Variants in WDPCP observed in about 807,000 individuals in gnomAD.
The protein encoded by WDPCP is WD repeat containing planar cell polarity effector.
In WDPCP, 71 loss-of-function variants were observed where a neutral mutation model predicts 93.1. That is an observed-to-expected ratio of 0.76 (90% CI 0.63 to 0.93). The LOEUF is 0.93. Ranked by LOEUF, WDPCP falls within the 40% of genes least tolerant of loss-of-function variation. The probability of loss-of-function intolerance (pLI) is 0.00; values close to 1 mark genes in which losing one functional copy is unlikely to be tolerated. For synonymous variants in WDPCP, 315 were observed against 315.0 expected, an observed-to-expected ratio of 1.00 and a Z score of 0.00; for missense variants, 844 against 887.4, an observed-to-expected ratio of 0.95 and a Z score of 0.62.
At chr2:63,423,946 G>A (rs541489982) in intron 9 of WDPCP, among the ~76,000 whole-genome samples, 2 of 152,160 alleles carry the variant, frequency 1.3e-5, no homozygotes, top group East Asian at 3.9e-4. Context: ...CAGATCTTCA[G>A]AGAAAAAACA....
At chr2:63,743,529 T>C (rs1347708244) in intron 2 of WDPCP, among the ~76,000 whole-genome samples, 1 of 152,120 alleles carries the variant, frequency 6.6e-6, no homozygotes, top group Non-Finnish European at 1.5e-5. Context: ...AATAAGATAA[T>C]GAGGTTTTTA....
intron 1 of WDPCP, among the ~76,000 whole-genome samples, chr2:63,555,508 AGTG>A (rs1007140094): frequency 6.6e-6 from 1 of 152,222 alleles, no homozygotes; most frequent in African/African-American, 2.4e-5. Context: ...TGCTTGGTTA[AGTG>A]GGTCCCGGAT....
intron 1 of WDPCP, among the ~76,000 whole-genome samples, chr2:63,567,107 C>T (rs1707130109): frequency 6.6e-6 from 1 of 152,132 alleles, no homozygotes; most frequent in African/African-American, 2.4e-5. Flanking sequence ...TTCACCAACC[C>T]AGAAGCTCTG....
chr2:63,335,823 A>G (rs1431254494), intron 12 of WDPCP, among the ~76,000 whole-genome samples: 1 of 152,208 alleles, frequency 6.6e-6, no homozygotes, highest in Non-Finnish European at 1.5e-5. Flanking sequence ...ATGAGATAGG[A>G]GATTAGCACA....
intron 17 of WDPCP, among the ~76,000 whole-genome samples, chr2:63,128,385 T>A (rs10173115): frequency 0.49 from 73,913 of 151,944 alleles, 18,344 homozygotes; most frequent in East Asian, 0.69. Context: ...CGTTTCTGTC[T>A]TTACCACAAA....
intron 1 of WDPCP, among the ~76,000 whole-genome samples, chr2:63,495,855 A>G (rs1380273689): frequency 6.6e-6 from 1 of 152,230 alleles, no homozygotes; most frequent in South Asian, 2.1e-4. Context: ...TATGAAATAA[A>G]TAAGTACTAA....
At chr2:63,760,487 G>A (rs1313202636) in intron 2 of WDPCP, among the ~76,000 whole-genome samples, 1 of 151,572 alleles carries the variant, frequency 6.6e-6, no homozygotes, top group Non-Finnish European at 1.5e-5. Flanking sequence ...AGGCAAACTA[G>A]ATTCCTAACT....
At chr2:63,279,062 G>C (rs1011281796) in intron 13 of WDPCP, among the ~76,000 whole-genome samples, 1 of 152,128 alleles carries the variant, frequency 6.6e-6, no homozygotes, top group African/African-American at 2.4e-5. Flanking sequence ...GACATTCAAA[G>C]AATTGGTACC....
intron 14 of WDPCP, among the ~76,000 whole-genome samples, chr2:63,199,433 G>C (rs1330736822): frequency 6.6e-6 from 1 of 152,236 alleles, no homozygotes; most frequent in African/African-American, 2.4e-5. Flanking sequence ...GGGCCCTGCT[G>C]CTCTGTGCCG....
intron 3 of WDPCP, chr2:63,643,834 C>A (rs975809608): frequency 2.8e-5 from 15 of 541,896 alleles, no homozygotes; most frequent in Non-Finnish European, 4.9e-5. Context: ...TTCCATTGAT[C>A]TTAATAAACC....
intron 1 of WDPCP, among the ~76,000 whole-genome samples, chr2:63,536,036 T>C (rs1704250674): frequency 6.6e-6 from 1 of 152,046 alleles, no homozygotes; most frequent in Non-Finnish European, 1.5e-5. Context: ...AACAATCCCA[T>C]CAAAAACTGG....
chr2:63,128,136 C>T (rs1670045786), intron 17 of WDPCP, among the ~76,000 whole-genome samples: 1 of 151,780 alleles, frequency 6.6e-6, no homozygotes, highest in Admixed American at 6.6e-5. Flanking sequence ...GATACTCCAC[C>T]TCAAAAAAAA....
chr2:63,607,534 C>CA (rs1400622455), intron 3 of WDPCP, among the ~76,000 whole-genome samples: 6 of 148,844 alleles, frequency 4.0e-5, no homozygotes, highest in Non-Finnish European at 7.4e-5. Context: ...AACTCCGTCT[C>CA]AAAAAAAAGA....
chr2:63,506,183 T>C (rs1471731733), intron 1 of WDPCP, among the ~76,000 whole-genome samples: 1 of 152,096 alleles, frequency 6.6e-6, no homozygotes. Context: ...ATAATCAAGG[T>C]GTACATTTAA....
intron 6 of WDPCP, among the ~76,000 whole-genome samples, chr2:63,454,500 A>T (rs1251518830): frequency 6.6e-6 from 1 of 150,642 alleles, no homozygotes; most frequent in Non-Finnish European, 1.5e-5. Context: ...CTTAACGTAT[A>T]ATAATAAAAA....
intron 1 of WDPCP, among the ~76,000 whole-genome samples, chr2:63,506,774 A>G (rs1433083530): frequency 6.6e-6 from 1 of 152,078 alleles, no homozygotes; most frequent in African/African-American, 2.4e-5. Flanking sequence ...TCCCTACCAC[A>G]GAAGAAAATT....
At chr2:63,474,878 ATGTC>A (rs1699883624) in intron 6 of WDPCP, among the ~76,000 whole-genome samples, 2 of 152,158 alleles carry the variant, frequency 1.3e-5, no homozygotes, top group African/African-American at 4.8e-5. Flanking sequence ...TTGTAAGTAA[ATGTC>A]TGCACAGTAA....
intron 2 of WDPCP, among the ~76,000 whole-genome samples, chr2:63,770,469 A>G (rs910927973): frequency 2.0e-5 from 3 of 152,016 alleles, no homozygotes; most frequent in Admixed American, 6.6e-5. Flanking sequence ...TTTTACCTAC[A>G]AAAACAGCAA....
chr2:63,741,626 C>T (rs1025778066), intron 2 of WDPCP, among the ~76,000 whole-genome samples: 1 of 151,644 alleles, frequency 6.6e-6, no homozygotes, highest in African/African-American at 2.4e-5. Flanking sequence ...AACAATGTAA[C>T]GTCATTCCTC....
Sources: gnomAD v4.1 joint callset for allele counts (sites outside exome capture counted in the v4.1 genomes callset) on GRCh38, gnomAD v4.1.1 for gene constraint, MANE v1.5 for transcripts, NCBI Gene and HGNC (gene_info 2026-07-23, HGNC 2026-07-21) for gene names.